Variants in GALNT18 observed in about 807,000 individuals in gnomAD.
GALNT18 encodes GalNAc-transferase 18.
In GALNT18, 44 loss-of-function variants were observed where a neutral mutation model predicts 69.5. The observed-to-expected ratio is 0.63, with a 90% CI of 0.50 to 0.81. The LOEUF (loss-of-function observed/expected upper bound fraction) is 0.81. Ranked by LOEUF, GALNT18 falls within the 40% of genes least tolerant of loss-of-function variation. GALNT18 has a pLI of 0.00. For missense variants in GALNT18, 715 were observed against 810.0 expected (o/e 0.88, Z 1.42); for synonymous variants, 364 against 318.2 (o/e 1.14, Z -1.53).
At chr11:11,343,951 T>A (rs78658221) in intron 6 of GALNT18, among the ~76,000 whole-genome samples, 1 of 152,064 alleles carries the variant, frequency 6.6e-6, no homozygotes, top group African/African-American at 2.4e-5. Flanking sequence ...CCTCTTCCCA[T>A]CCCTGCAGCC....
chr11:11,298,631 G>A (rs181787348), intron 9 of GALNT18, among the ~76,000 whole-genome samples: 6 of 152,346 alleles, frequency 3.9e-5, no homozygotes, highest in Admixed American at 3.9e-4. Context: ...TACCAGGGCC[G>A]TTCCCACCAG....
In GALNT18 at chr11:11,483,320, C is replaced by T. The variant is rs184005014; in HGVS notation, c.236-34384G>A. Among the ~76,000 whole-genome samples the T allele has an allele frequency of 2.8e-3, 434 of 152,322 alleles. 1 individual carries two copies. Among genetic ancestry groups the T allele is most frequent in the African/African-American group, 0.01 (419 of 41,574 alleles). On this transcript the variant is annotated intron_variant, in intron 1 of 10. Coordinates refer to ENST00000227756, the MANE Select transcript of GALNT18 (RefSeq NM_198516.3). ...TGTAAGAAGCCCTCCTCTGGTCTCC[C>T]ATGAGTCTATGCTATGACTCTGTCC... is the stretch of plus-strand genomic sequence containing the variant.
rs904651690 is a variant in GALNT18 at position 11,619,096 on chromosome 11, T to C, written c.235+2263A>G. ...GCATGGCAAAGGGAACTGTTGGTCA[T>C]TGCTACACCATCATGGCACAGCCAA... On this transcript the variant is annotated intron_variant, in intron 1 of 10. Transcript: ENST00000227756. The surrounding 1 kb of genome is among the most constrained non-coding windows in gnomAD (Gnocchi z 4.9). Among the ~76,000 whole-genome samples the C allele has an allele frequency of 2.6e-5, 4 of 152,170 alleles. No homozygotes were observed. The highest frequency in any genetic ancestry group is 4.4e-5 in the Non-Finnish European group (3 of 68,028).
In GALNT18 at chr11:11,459,699, A is replaced by C. The variant is rs1466886329; in HGVS notation, c.236-10763T>G. 9.9e-5 allele frequency among the ~76,000 whole-genome samples: 15 copies of C among 152,218 alleles called. No individual in the cohort carries two copies. The highest frequency in any genetic ancestry group is 9.8e-4 in the Admixed American group (15 of 15,290). ...ATGTCTAAGCTTGTTGCAAAGATTA[A>C]GTGAGATGATGGACACCCCGAAAGT... is the stretch of plus-strand genomic sequence containing the variant. On this transcript the variant is annotated intron_variant, in intron 1 of 10. Transcript: ENST00000227756. This position sits in a 1 kb window ranked among gnomAD's most constrained non-coding sequence, Gnocchi z 5.0.
chr11:11,395,760 C>T (rs915752802), intron 3 of GALNT18, among the ~76,000 whole-genome samples: 26 of 152,034 alleles, frequency 1.7e-4, no homozygotes, highest in Admixed American at 1.3e-4. Context: ...GCAGCAGAGC[C>T]GAAATGAAGA....
intron 1 of GALNT18, among the ~76,000 whole-genome samples, chr11:11,521,021 C>T (rs1857386410): frequency 6.6e-6 from 1 of 152,208 alleles, no homozygotes; most frequent in East Asian, 1.9e-4. Flanking sequence ...GCCCTTGTTC[C>T]TGGCTACCTG....
intron 1 of GALNT18, among the ~76,000 whole-genome samples, chr11:11,551,509 C>T (rs1224699495): frequency 2.6e-5 from 4 of 152,116 alleles, no homozygotes; most frequent in Admixed American, 2.6e-4. Context: ...CTTTGAGCTT[C>T]CTTGAAATCA....
intron 6 of GALNT18, among the ~76,000 whole-genome samples, chr11:11,350,594 A>C (rs954582413): frequency 6.6e-6 from 1 of 151,798 alleles, no homozygotes; most frequent in African/African-American, 2.4e-5. Flanking sequence ...CCTATTGCTC[A>C]CTGACACCTG....
At position 11,602,693 on chromosome 11, in the gene GALNT18, G is replaced by A. The variant is rs1859660363; in HGVS notation, c.235+18666C>T. Among the ~76,000 whole-genome samples, 1 of 152,062 alleles carries A rather than the reference G, an allele frequency of 6.6e-6. No homozygotes were observed. Among genetic ancestry groups the A allele is most frequent in the African/African-American group, 2.4e-5 (1 of 41,396 alleles). ...TTTTACCAGTTATGTTGTTTCACTG[G>A]GCAAAGGACCCACAGAGCTCCTCAC... On this transcript the variant is annotated intron_variant, in intron 1 of 10. Coordinates refer to ENST00000227756, the MANE Select transcript of GALNT18 (RefSeq NM_198516.3). The surrounding 1 kb of genome is among the most constrained non-coding windows in gnomAD (Gnocchi z 4.7).
In GALNT18 at chr11:11,604,085, C is replaced by T. The variant is rs1254912222; in HGVS notation, c.235+17274G>A. 6.6e-6 allele frequency among the ~76,000 whole-genome samples: 1 copy of T among 152,186 alleles called. No homozygotes were observed. Among genetic ancestry groups the T allele is most frequent in the Non-Finnish European group, 1.5e-5 (1 of 68,034 alleles). On this transcript the variant is annotated intron_variant, in intron 1 of 10. Transcript: ENST00000227756. This position sits in a 1 kb window ranked among gnomAD's most constrained non-coding sequence, Gnocchi z 5.6. Reference sequence around the variant, plus strand: ...CTACGAGCAAGAAATTGGGCCCTCACCAAACACAGAATCCGCTATGCCTTA... The same window carrying T: ...CTACGAGCAAGAAATTGGGCCCTCATCAAACACAGAATCCGCTATGCCTTA...
At chr11:11,508,738 T>C (rs1302866853) in intron 1 of GALNT18, among the ~76,000 whole-genome samples, 1 of 152,194 alleles carries the variant, frequency 6.6e-6, no homozygotes, top group Non-Finnish European at 1.5e-5. Context: ...TTTTTTCCTA[T>C]AGATGCACTT....
chr11:11,379,251 C>T lies in GALNT18; in HGVS notation c.609G>A (p.Glu203=), dbSNP rs149707120. 13 of 1,612,452 alleles carry T rather than the reference C, an allele frequency of 8.1e-6. No homozygotes were observed. Among genetic ancestry groups the T allele is most frequent in the Non-Finnish European group, 1.1e-5 (13 of 1,179,648 alleles). ...DDNSSNEELK[E]KLTEYVDKVN... is the part of the protein sequence containing the mutation. ...CCTTGTCCACATATTCGGTCAGCTT[C>T]TCCTTCAGTTCCTCTGTCAGGGAGA... The change falls in exon 4 of 11, where the codon GAG becomes GAA. Residue 203 remains glutamate, a synonymous_variant. Coordinates refer to ENST00000227756, the MANE Select transcript of GALNT18 (RefSeq NM_198516.3).
rs1564936067 is a variant in GALNT18 at position 11,413,716 on chromosome 11, T to A, written c.595+18905A>T. Among the ~76,000 whole-genome samples the A allele has an allele frequency of 6.6e-6, 1 of 152,166 alleles. No individual in the cohort carries two copies. The highest frequency in any genetic ancestry group is 2.4e-5 in the African/African-American group (1 of 41,440). ...CTCCAGGGGTCCAGGCCCTGGTTCT[T>A]TGAAGCCTTGCTGTGTTATAACTAG... On this transcript the variant is annotated intron_variant, in intron 3 of 10. Transcript: ENST00000227756. This position sits in a 1 kb window ranked among gnomAD's most constrained non-coding sequence, Gnocchi z 4.7.
At position 11,500,390 on chromosome 11, in the gene GALNT18, C is replaced by T. The variant is rs1023856538; in HGVS notation, c.236-51454G>A. ...CTGAACCTTTCTGAGGCTTCATTTC[C>T]TCACATGGAAAGTGGTGATGGTAAC... On this transcript the variant is annotated intron_variant, in intron 1 of 10. Transcript: ENST00000227756. The surrounding 1 kb of genome is among the most constrained non-coding windows in gnomAD (Gnocchi z 5.0). Among the ~76,000 whole-genome samples the T allele has an allele frequency of 1.3e-5, 2 of 152,198 alleles. No homozygotes were observed. Among genetic ancestry groups the T allele is most frequent in the East Asian group, 3.9e-4 (2 of 5,194 alleles).
chr11:11,271,312 G>A (rs12282460), intron 10 of GALNT18, 22 bp from the exon 11 acceptor site: 1 of 1,607,574 alleles, frequency 6.2e-7, no homozygotes, highest in Non-Finnish European at 8.5e-7. Flanking sequence ...GGCAGACAGT[G>A]GGGTCAGAGG....
chr11:11,373,444 G>A (rs1479596094), intron 5 of GALNT18, among the ~76,000 whole-genome samples: 1 of 152,230 alleles, frequency 6.6e-6, no homozygotes, highest in East Asian at 1.9e-4. Flanking sequence ...GGTGACAGTG[G>A]GTTGGAGACC....
chr11:11,499,051 C>T (rs146779096), intron 1 of GALNT18, among the ~76,000 whole-genome samples: 31 of 152,336 alleles, frequency 2.0e-4, no homozygotes, highest in African/African-American at 7.2e-4. Context: ...CAGTTACTAT[C>T]TCTAGAGCCT....
intron 2 of GALNT18, among the ~76,000 whole-genome samples, chr11:11,438,746 G>A (rs1429441353): frequency 4.6e-5 from 7 of 152,194 alleles, no homozygotes; most frequent in Non-Finnish European, 7.3e-5. Flanking sequence ...AGCGAGGGGC[G>A]AAATGAAGGA....
rs1299048417 is a variant in GALNT18, at chr11:11,613,263, G to C, written c.235+8096C>G. Among the ~76,000 whole-genome samples the C allele has an allele frequency of 6.6e-6, 1 of 152,136 alleles. No individual in the cohort carries two copies. The highest frequency in any genetic ancestry group is 1.5e-5 in the Non-Finnish European group (1 of 68,036). ...CTGGAACTACAGGGGATCTATAAAA[G>C]GTATACAGATCCACAGAGAAGATTC... is the stretch of plus-strand genomic sequence containing the variant. On this transcript the variant is annotated intron_variant, in intron 1 of 10. Transcript: ENST00000227756. The surrounding 1 kb of genome is among the most constrained non-coding windows in gnomAD (Gnocchi z 4.2).
Sources: allele counts gnomAD v4.1 joint callset (sites outside exome capture counted in the v4.1 genomes callset), GRCh38; gene constraint gnomAD v4.1.1; non-coding constraint Gnocchi (gnomAD v3.1); transcripts MANE v1.5; gene names NCBI Gene and HGNC (gene_info 2026-07-23, HGNC 2026-07-21).